BEND5: variants seen among roughly 807,000 people sequenced by gnomAD.
The protein encoded by BEND5 is BEN domain-containing protein 5.
A neutral mutation model predicts 43.9 loss-of-function variants in BEND5; 22 were observed. The ratio of observed to expected loss-of-function variants is 0.50; its 90% CI spans 0.36 to 0.72. BEND5 has a LOEUF of 0.72. Ranked by LOEUF, BEND5 falls within the 30% of genes least tolerant of loss-of-function variation. BEND5 has a pLI of 0.00. For missense variants in BEND5, 428 were observed against 550.6 expected (o/e 0.78, Z 2.23); for synonymous variants, 228 against 225.9 (o/e 1.01, Z -0.08).
At chr1:48,753,993 G>T (rs920407986) in intron 3 of BEND5, among the ~76,000 whole-genome samples, 2 of 152,170 alleles carry the variant, frequency 1.3e-5, no homozygotes, top group African/African-American at 4.8e-5. Flanking sequence ...TGTTCCCTGT[G>T]AGACTTGTGT....
chr1:48,742,116 C>T (rs1650009378), intron 4 of BEND5, among the ~76,000 whole-genome samples: 1 of 152,224 alleles, frequency 6.6e-6, no homozygotes, highest in African/African-American at 2.4e-5. Flanking sequence ...TTGAAGGAGG[C>T]TTGGGGATAA....
At chr1:48,756,109 T>C (rs763376741) in intron 3 of BEND5, among the ~76,000 whole-genome samples, 1 of 152,174 alleles carries the variant, frequency 6.6e-6, no homozygotes, top group South Asian at 2.1e-4. Context: ...ATGCGGTGTG[T>C]CACAAGGCTG....
Position 48,728,106 on chromosome 1 carries a change from G to A in BEND5, c.1109-63C>T, listed in dbSNP as rs1044733720. 2.9e-5 allele frequency: 42 copies of A among 1,452,562 alleles called. No homozygotes were observed. In the African/African-American group the frequency reaches 5.6e-4, roughly 19 times the overall value. 90.0% of individuals were successfully genotyped at this position (1,452,562 alleles called of 1,614,324 possible). On this transcript the variant is annotated intron_variant, in intron 5 of 5. Transcript: ENST00000371833. ...TGAATTCAAGTAAAAATCTTTTAAG[G>A]AGGGTAAAAGAAAATGTACCTCCCA...
chr1:48,743,847 A>G (rs1650311209), intron 3 of BEND5, among the ~76,000 whole-genome samples: 1 of 152,186 alleles, frequency 6.6e-6, no homozygotes, highest in Non-Finnish European at 1.5e-5. Flanking sequence ...GTCCTGGTGA[A>G]TTTGTTACTA....
At chr1:48,728,410 T>A (rs1647538342) in intron 5 of BEND5, among the ~76,000 whole-genome samples, 1 of 151,760 alleles carries the variant, frequency 6.6e-6, no homozygotes, top group Non-Finnish European at 1.5e-5. Context: ...CATGTATGTA[T>A]CCTTAAATAA....
At chr1:48,771,521 C>T (rs1379091419) in intron 1 of BEND5, among the ~76,000 whole-genome samples, 2 of 152,152 alleles carry the variant, frequency 1.3e-5, no homozygotes, top group Non-Finnish European at 2.9e-5. Context: ...AGACTGAACC[C>T]TCAATGGTTA....
At chr1:48,761,568 G>A in intron 1 of BEND5, 98 bp from the exon 2 acceptor site, 1 of 1,264,864 alleles carries the variant, frequency 7.9e-7, no homozygotes, top group South Asian at 1.5e-5. Context: ...AAATAATTGA[G>A]GCCAGACCAG....
intron 1 of BEND5, among the ~76,000 whole-genome samples, chr1:48,765,302 G>A (rs937074008): frequency 2.0e-5 from 3 of 152,166 alleles, no homozygotes; most frequent in Non-Finnish European, 4.4e-5. Flanking sequence ...CTACACCAAT[G>A]AGTATATGAA....
chr1:48,766,799 G>A lies in BEND5; in HGVS notation c.227-5329C>T, dbSNP rs528476020. 9.8e-5 allele frequency among the ~76,000 whole-genome samples: 15 copies of A among 152,314 alleles called. No individual in the cohort carries two copies. In the South Asian group the frequency reaches 2.9e-3, roughly 29 times the overall value. On this transcript the variant is annotated intron_variant, in intron 1 of 5. Transcript: ENST00000371833. Reference sequence around the variant, plus strand: ...TCCTGGACCCATGTTCCCAGAGTGAGGGTCGGGAAGTCCCAAGTCCTCTGC... The same window carrying A: ...TCCTGGACCCATGTTCCCAGAGTGAAGGTCGGGAAGTCCCAAGTCCTCTGC...
intron 3 of BEND5, among the ~76,000 whole-genome samples, chr1:48,748,682 G>A (rs1039050101): frequency 4.6e-5 from 7 of 152,102 alleles, no homozygotes; most frequent in African/African-American, 1.7e-4. Context: ...TGCACAAAGG[G>A]TGCAATGTGA....
intron 3 of BEND5, among the ~76,000 whole-genome samples, chr1:48,747,279 C>A (rs192904395): frequency 6.6e-6 from 1 of 152,032 alleles, no homozygotes; most frequent in Non-Finnish European, 1.5e-5. Context: ...CATTTGCATT[C>A]GGATATTGAC....
At chr1:48,764,589 A>G (rs1644440153) in intron 1 of BEND5, among the ~76,000 whole-genome samples, 1 of 152,208 alleles carries the variant, frequency 6.6e-6, no homozygotes, top group Non-Finnish European at 1.5e-5. Flanking sequence ...CTAGAAAATA[A>G]GTGGCCTTGA....
chr1:48,751,030 T>C (rs1438789948), intron 3 of BEND5, among the ~76,000 whole-genome samples: 1 of 152,212 alleles, frequency 6.6e-6, no homozygotes, highest in East Asian at 1.9e-4. Flanking sequence ...CTTCATGATA[T>C]AGCATTCATG....
At chr1:48,739,331 T>G (rs1649554982) in intron 4 of BEND5, among the ~76,000 whole-genome samples, 1 of 152,246 alleles carries the variant, frequency 6.6e-6, no homozygotes, top group South Asian at 2.1e-4. Context: ...ACTGTGTTTT[T>G]AGGTAAATCC....
At chr1:48,747,754 C>A (rs1292268996) in intron 3 of BEND5, among the ~76,000 whole-genome samples, 1 of 152,142 alleles carries the variant, frequency 6.6e-6, no homozygotes. Flanking sequence ...CTTGTTGTAT[C>A]GTAAACTGGA....
chr1:48,735,962 T>C (rs1406983679), intron 5 of BEND5, among the ~76,000 whole-genome samples: 2 of 152,164 alleles, frequency 1.3e-5, no homozygotes, highest in Non-Finnish European at 2.9e-5. Flanking sequence ...GCTAAGGGTA[T>C]CCTCCCCTCC....
chr1:48,763,772 G>A (rs1351660264), intron 1 of BEND5, among the ~76,000 whole-genome samples: 2 of 152,164 alleles, frequency 1.3e-5, no homozygotes, highest in African/African-American at 4.8e-5. Flanking sequence ...CAGATCATCC[G>A]ATTCTATTTT....
At position 48,776,652 on chromosome 1, in the gene BEND5, G is replaced by A; in HGVS notation, c.180C>T (p.Asp60=). The stretch of plus-strand genomic sequence containing the variant: ...CCTTGTGGAGCAACAGCGCGCCCCA[G>A]TCGCGGGGGGCGCGCGGGGGGCTCT... ...GPESPPRAPR[D]WGALLLHKAQ... Residue 60 remains aspartate (D), a synonymous_variant, in exon 1 of 6, where the codon GAC becomes GAT. Transcript: ENST00000371833. The A allele has an allele frequency of 6.7e-7, 1 of 1,492,136 alleles. No homozygotes were observed. Among genetic ancestry groups the A allele is most frequent in the Non-Finnish European group, 8.9e-7 (1 of 1,124,232 alleles). 92.4% of individuals were successfully genotyped at this position (1,492,136 alleles called of 1,614,324 possible).
chr1:48,770,430 T>G (rs1055609605), intron 1 of BEND5, among the ~76,000 whole-genome samples: 19 of 152,334 alleles, frequency 1.2e-4, no homozygotes, highest in African/African-American at 4.6e-4. Context: ...TCTGTTAGAC[T>G]AGGAAGGCTG....
Sources: allele counts gnomAD v4.1 joint callset (sites outside exome capture counted in the v4.1 genomes callset), GRCh38; gene constraint gnomAD v4.1.1; transcripts MANE v1.5; gene names NCBI Gene and HGNC (gene_info 2026-07-23, HGNC 2026-07-21).